IFT74: variants seen among roughly 807,000 people sequenced by gnomAD.
The protein encoded by IFT74 is intraflagellar transport 74.
A neutral mutation model predicts 96.7 loss-of-function variants in IFT74; 92 were observed. The observed-to-expected ratio is 0.95, with a 90% CI of 0.80 to 1.13. IFT74 has a LOEUF of 1.13. Among genes scored for constraint, IFT74 ranks in the 50% most tolerant of loss-of-function variants. The pLI is 0.00. For synonymous variants in IFT74, 223 were observed against 213.2 expected, an observed-to-expected ratio of 1.05 and a Z score of -0.40; for missense variants, 811 against 698.2, an observed-to-expected ratio of 1.16 and a Z score of -1.82.
At chr9:27,057,493 A>G (rs917215364) in intron 18 of IFT74, among the ~76,000 whole-genome samples, 3 of 152,174 alleles carry the variant, frequency 2.0e-5, no homozygotes, top group Admixed American at 6.5e-5. Context: ...AAAAAAATTG[A>G]TCATTCTTAT....
chr9:26,967,021 A>T (rs1460125149), intron 2 of IFT74, among the ~76,000 whole-genome samples: 1 of 151,206 alleles, frequency 6.6e-6, no homozygotes, highest in Non-Finnish European at 1.5e-5. Flanking sequence ...TTTTTATGCC[A>T]GTATGCTTTT....
chr9:26,960,135 A>G (rs923595258), intron 1 of IFT74, among the ~76,000 whole-genome samples: 17 of 152,150 alleles, frequency 1.1e-4, no homozygotes, highest in Admixed American at 5.2e-4. Context: ...TTGAATTTCC[A>G]ACGTAAATGG....
At chr9:27,011,651 T>A (rs1420118197) in intron 9 of IFT74, among the ~76,000 whole-genome samples, 1 of 149,308 alleles carries the variant, frequency 6.7e-6, no homozygotes, top group Non-Finnish European at 1.5e-5. Context: ...TGAAGTTTTT[T>A]TTTTTTTTTT....
intron 9 of IFT74, among the ~76,000 whole-genome samples, 159 bp from the exon 10 acceptor site, chr9:27,011,747 A>G (rs754224399): frequency 6.1e-4 from 93 of 152,110 alleles, no homozygotes; most frequent in Non-Finnish European, 1.1e-3. Context: ...TCTAGTCAAA[A>G]TGTAAGATGC....
At chr9:27,033,190 A>G (rs1758703266) in intron 13 of IFT74, among the ~76,000 whole-genome samples, 1 of 152,090 alleles carries the variant, frequency 6.6e-6, no homozygotes, top group South Asian at 2.1e-4. Flanking sequence ...ATTCTTCCCT[A>G]TGAGGATGTA....
chr9:27,015,161 T>C (rs1009852512), intron 10 of IFT74, among the ~76,000 whole-genome samples: 23 of 152,242 alleles, frequency 1.5e-4, no homozygotes, highest in African/African-American at 5.5e-4. Flanking sequence ...GACGATACTA[T>C]GAAAAAGGAT....
At chr9:26,953,045 G>A (rs1825982467), upstream of IFT74, among the ~76,000 whole-genome samples, 3 of 152,248 alleles carry the variant, frequency 2.0e-5, no homozygotes, top group South Asian at 6.2e-4. Context: ...TGACTTTTAG[G>A]AGAACAAATA....
chr9:27,026,310 C>T (rs923012548), intron 12 of IFT74, among the ~76,000 whole-genome samples: 3 of 152,156 alleles, frequency 2.0e-5, no homozygotes, highest in African/African-American at 4.8e-5. Flanking sequence ...GCACCTAACA[C>T]TAGAGCTCCC....
intron 8 of IFT74, among the ~76,000 whole-genome samples, chr9:27,000,380 TG>T (rs1416577243): frequency 6.6e-6 from 1 of 152,194 alleles, no homozygotes; most frequent in African/African-American, 2.4e-5. Context: ...CTTATATTGA[TG>T]GTCTTGATTT....
At chr9:26,968,892 T>C (rs1352629635) in intron 2 of IFT74, among the ~76,000 whole-genome samples, 1 of 72,244 alleles carries the variant, frequency 1.4e-5, no homozygotes, top group Non-Finnish European at 2.4e-5. Flanking sequence ...TCTTTTATAT[T>C]TTTTTTGTTT....
chr9:26,948,449 T>TTATTATTATTATTATTA (rs1563926434), intron 1 of IFT74, among the ~76,000 whole-genome samples: 2 of 25,474 alleles, frequency 7.9e-5, no homozygotes, highest in South Asian at 2.5e-3. Context: ...CTTTCCATTA[T>TTATTATTATTATTATTA]TTTTTTTTTT....
At chr9:27,028,825 A>T (rs1479398979) in intron 12 of IFT74, 200 bp from the exon 13 acceptor site, 2 of 445,284 alleles carry the variant, frequency 4.5e-6, no homozygotes. Context: ...TCATAATAGG[A>T]TATGCTATTT....
At chr9:27,045,334 A>C (rs188283238) in intron 14 of IFT74, among the ~76,000 whole-genome samples, 59 of 152,352 alleles carry the variant, frequency 3.9e-4, no homozygotes, top group Non-Finnish European at 8.1e-4. Context: ...TGGTCCATAG[A>C]AAAATTGTCT....
intron 1 of IFT74, among the ~76,000 whole-genome samples, chr9:26,949,608 A>G (rs949134623): frequency 1.1e-4 from 16 of 152,126 alleles, no homozygotes; most frequent in Non-Finnish European, 1.5e-4. Context: ...AAACCAATGC[A>G]CTGAGAACTA....
chr9:27,048,786 G>T (rs1453401772), intron 16 of IFT74, among the ~76,000 whole-genome samples: 1 of 152,168 alleles, frequency 6.6e-6, no homozygotes, highest in Non-Finnish European at 1.5e-5. Context: ...GCAGACAGAG[G>T]CCCTAACTTT....
chr9:27,062,832 T>A lies in IFT74; in HGVS notation c.*96T>A. ...AAAAAAAAAAAGCTTACTTTTGGAG[T>A]TTACCTAAAATTTCTGAATGTTATA... On this transcript the variant is annotated 3_prime_UTR_variant, in exon 20 of 20. Coordinates refer to ENST00000380062, the MANE Select transcript of IFT74 (RefSeq NM_025103.4). The A allele has an allele frequency of 2.8e-6, 2 of 707,210 alleles. No individual in the cohort carries two copies. The highest frequency in any genetic ancestry group is 5.7e-5 in the Admixed American group (2 of 34,968). The allele number at this position is 707,210 out of a possible 1,614,324, so 43.8% of individuals were successfully genotyped here.
intron 1 of IFT74, among the ~76,000 whole-genome samples, chr9:26,960,120 C>T (rs1188323380): frequency 6.6e-6 from 1 of 152,142 alleles, no homozygotes. Context: ...CAGTTTTCAT[C>T]TTACTTGAAT....
chr9:26,992,629 G>C (rs1458425178), intron 8 of IFT74, among the ~76,000 whole-genome samples: 1 of 151,994 alleles, frequency 6.6e-6, no homozygotes, highest in Non-Finnish European at 1.5e-5. Flanking sequence ...GGAGGCGGAG[G>C]GTTCAGTAAG....
At chr9:26,954,355 A>G (rs1826016640), upstream of IFT74, among the ~76,000 whole-genome samples, 1 of 152,216 alleles carries the variant, frequency 6.6e-6, no homozygotes, top group Non-Finnish European at 1.5e-5. Flanking sequence ...GCAACTGCTC[A>G]AACTTTAACC....
Sources: gnomAD v4.1 joint callset for allele counts (sites outside exome capture counted in the v4.1 genomes callset) on GRCh38, gnomAD v4.1.1 for gene constraint, MANE v1.5 for transcripts, NCBI Gene and HGNC (gene_info 2026-07-23, HGNC 2026-07-21) for gene names.